The following CPNE4 variants were observed in gnomAD, a reference collection of about 807,000 sequenced individuals.
The protein encoded by CPNE4 is copine-4.
CPNE4 carries 25 observed loss-of-function variants against 67.9 expected under a neutral mutation model. That is an observed-to-expected ratio of 0.37 (90% confidence interval 0.27 to 0.51). The LOEUF is 0.51. Among genes scored for constraint, CPNE4 ranks in the 20% least tolerant of loss-of-function variants. CPNE4 has a pLI of 0.93. For missense variants in CPNE4, 464 were observed against 690.8 expected (o/e 0.67, Z 3.68); for synonymous variants, 242 against 244.9 (o/e 0.99, Z 0.11).
At chr3:131,737,120 T>C (rs2082255976) in intron 2 of CPNE4, among the ~76,000 whole-genome samples, 1 of 105,128 alleles carries the variant, frequency 9.5e-6, no homozygotes, top group Non-Finnish European at 1.9e-5. Flanking sequence ...TGTGTCTTTT[T>C]TTTTTTTTTT....
At chr3:131,558,305 A>G (rs1376789419) in intron 11 of CPNE4, among the ~76,000 whole-genome samples, 1 of 152,044 alleles carries the variant, frequency 6.6e-6, no homozygotes, top group Non-Finnish European at 1.5e-5. Context: ...GGCAGAGAAG[A>G]GTCTTATTAT....
At chr3:131,835,573 G>A (rs1165877536) in intron 2 of CPNE4, among the ~76,000 whole-genome samples, 1 of 151,700 alleles carries the variant, frequency 6.6e-6, no homozygotes, top group Non-Finnish European at 1.5e-5. Flanking sequence ...CCATTCAGAG[G>A]ACTGACAAGA....
intron 2 of CPNE4, among the ~76,000 whole-genome samples, chr3:131,776,093 TC>T (rs1194436862): frequency 6.6e-6 from 1 of 152,110 alleles, no homozygotes; most frequent in Non-Finnish European, 1.5e-5. Context: ...ACCTCTTCTC[TC>T]CTTCCCGGCT....
At chr3:131,817,668 A>C (rs1243019508) in intron 2 of CPNE4, among the ~76,000 whole-genome samples, 1 of 152,222 alleles carries the variant, frequency 6.6e-6, no homozygotes, top group African/African-American at 2.4e-5. Flanking sequence ...CAAGGGAAAA[A>C]TGATTGAAAA....
intron 2 of CPNE4, among the ~76,000 whole-genome samples, chr3:131,792,039 C>T (rs2083738541): frequency 6.6e-6 from 1 of 152,042 alleles, no homozygotes; most frequent in Non-Finnish European, 1.5e-5. Flanking sequence ...CCAGAAAATG[C>T]CTATGTATTT....
intron 7 of CPNE4, among the ~76,000 whole-genome samples, chr3:131,649,389 C>T (rs890727606): frequency 6.6e-6 from 1 of 152,110 alleles, no homozygotes. Context: ...AGTAAATTAG[C>T]AGAAACCCAG....
At chr3:131,779,143 T>C (rs534247711) in intron 2 of CPNE4, among the ~76,000 whole-genome samples, 2 of 152,032 alleles carry the variant, frequency 1.3e-5, no homozygotes, top group South Asian at 4.2e-4. Context: ...GGTAAAAATC[T>C]CTACACTGAG....
chr3:131,907,055 C>A (rs1040554924), intron 1 of CPNE4, among the ~76,000 whole-genome samples: 1 of 152,144 alleles, frequency 6.6e-6, no homozygotes, highest in South Asian at 2.1e-4. Flanking sequence ...AGGACCTGAA[C>A]AGACACTTCT....
At chr3:132,011,864 CTCTTA>C (rs1206173092) in intron 1 of CPNE4, among the ~76,000 whole-genome samples, 1 of 152,198 alleles carries the variant, frequency 6.6e-6, no homozygotes, top group Non-Finnish European at 1.5e-5. Flanking sequence ...AACCTTATTA[CTCTTA>C]TCTTATCCTT....
intron 2 of CPNE4, among the ~76,000 whole-genome samples, chr3:131,827,597 G>C (rs924896867): frequency 1.3e-5 from 2 of 152,028 alleles, no homozygotes; most frequent in Non-Finnish European, 2.9e-5. Context: ...ATTCACTAGA[G>C]AATTCCTTTA....
At chr3:131,842,975 G>A (rs2085854131) in intron 2 of CPNE4, among the ~76,000 whole-genome samples, 3 of 152,092 alleles carry the variant, frequency 2.0e-5, no homozygotes, top group Admixed American at 2.0e-4. Context: ...CTGCACCGGT[G>A]CTCTAAAGGC....
At chr3:131,796,680 G>C (rs2083927134) in intron 2 of CPNE4, among the ~76,000 whole-genome samples, 1 of 152,156 alleles carries the variant, frequency 6.6e-6, no homozygotes, top group Admixed American at 6.5e-5. Flanking sequence ...CTGCTCTCTA[G>C]GGAGAATGCA....
chr3:131,817,130 C>G (rs974244370), intron 2 of CPNE4, among the ~76,000 whole-genome samples: 7 of 152,126 alleles, frequency 4.6e-5, no homozygotes, highest in Non-Finnish European at 7.3e-5. Flanking sequence ...GGTGCAAATA[C>G]TTTGGTTCAC....
intron 1 of CPNE4, chr3:132,017,581 A>G (rs919792670): frequency 6.6e-6 from 1 of 152,180 alleles, no homozygotes; most frequent in Non-Finnish European, 1.5e-5. Flanking sequence ...ATAAAGCTGT[A>G]TGTGAACCAC....
intron 2 of CPNE4, among the ~76,000 whole-genome samples, chr3:131,901,644 G>T (rs2088555269): frequency 6.6e-6 from 1 of 152,018 alleles, no homozygotes; most frequent in Non-Finnish European, 1.5e-5. Context: ...GTAGGAGTAG[G>T]AGAAATAGAG....
At chr3:131,636,682 G>A (rs1280952383) in intron 7 of CPNE4, among the ~76,000 whole-genome samples, 5 of 152,140 alleles carry the variant, frequency 3.3e-5, no homozygotes, top group Admixed American at 3.3e-4. Flanking sequence ...CTATAGGACC[G>A]CAGCTGATGC....
At chr3:131,699,407 A>G (rs375040817) in intron 4 of CPNE4, among the ~76,000 whole-genome samples, 5 of 152,226 alleles carry the variant, frequency 3.3e-5, no homozygotes, top group African/African-American at 1.2e-4. Context: ...ACTGAATCAC[A>G]CAGTAAACCT....
chr3:132,017,849 A>T (rs2073917954), intron 1 of CPNE4: 1 of 152,432 alleles, frequency 6.6e-6, no homozygotes, highest in African/African-American at 2.4e-5. Flanking sequence ...CCATCAGGGA[A>T]TCAGGGCTCA....
chr3:131,883,060 C>T (rs1031561595), intron 2 of CPNE4, among the ~76,000 whole-genome samples: 2 of 152,120 alleles, frequency 1.3e-5, no homozygotes. Flanking sequence ...ATTATTTTTG[C>T]ACCAACCTAA....
Sources: allele counts gnomAD v4.1 joint callset (sites outside exome capture counted in the v4.1 genomes callset), GRCh38; gene constraint gnomAD v4.1.1; transcripts MANE v1.5; gene names NCBI Gene and HGNC (gene_info 2026-07-23, HGNC 2026-07-21).